The following SIM1 variants were observed in gnomAD, a reference collection of about 807,000 sequenced individuals.
The protein encoded by SIM1 is single-minded homolog 1.
SIM1 carries 18 observed loss-of-function variants against 78.2 expected under a neutral mutation model. The ratio of observed to expected loss-of-function variants is 0.23; its 90% CI spans 0.16 to 0.34. SIM1 has a LOEUF of 0.34. SIM1 is among the 10% of genes least tolerant of loss of function. The probability of loss-of-function intolerance (pLI) is 1.00; values close to 1 mark genes in which losing one functional copy is unlikely to be tolerated. For missense variants in SIM1, 939 were observed against 975.1 expected (o/e 0.96, Z 0.49); for synonymous variants, 417 against 385.2 (o/e 1.08, Z -0.97).
intron 9 of SIM1, among the ~76,000 whole-genome samples, chr6:100,429,811 A>G (rs1771855345): frequency 6.6e-6 from 1 of 152,188 alleles, no homozygotes; most frequent in Admixed American, 6.5e-5. Context: ...TTACATTTCC[A>G]GAATTTCTTC....
chr6:100,402,157 T>C (rs1339163531), intron 10 of SIM1, among the ~76,000 whole-genome samples: 3 of 152,240 alleles, frequency 2.0e-5, no homozygotes, highest in Non-Finnish European at 4.4e-5. Context: ...CCTTGATTAA[T>C]CACTTTCACT....
At chr6:100,418,975 T>C (rs1771487663) in intron 10 of SIM1, among the ~76,000 whole-genome samples, 2 of 152,116 alleles carry the variant, frequency 1.3e-5, no homozygotes, top group African/African-American at 2.4e-5. Flanking sequence ...AAGACCAGCC[T>C]GGCCAGCATG....
chr6:100,439,295 G>A (rs1048740045), intron 9 of SIM1, among the ~76,000 whole-genome samples: 1 of 152,090 alleles, frequency 6.6e-6, no homozygotes, highest in Admixed American at 6.6e-5. Context: ...AATGTATATA[G>A]GTCATTGACC....
intron 10 of SIM1, among the ~76,000 whole-genome samples, chr6:100,410,821 G>A (rs963154526): frequency 2.0e-5 from 3 of 152,172 alleles, no homozygotes; most frequent in Non-Finnish European, 4.4e-5. Context: ...TAAAGAGGCA[G>A]ATGAAGTTCT....
chr6:100,463,748 G>T lies in SIM1; in HGVS notation c.-280C>A, dbSNP rs1361785839. ...CCGAATTTGGGCAATCCTGAGGGTC[G>T]TTCAGGGTATCAAATGCCAGTGGGA... On this transcript the variant is annotated 5_prime_UTR_variant, in exon 2 of 12. Coordinates refer to ENST00000369208, the MANE Select transcript of SIM1 (RefSeq NM_005068.3). 3 of 296,802 alleles carry T rather than the reference G, an allele frequency of 1.0e-5. No homozygotes were observed. In the East Asian group the frequency reaches 1.8e-4, roughly 18 times the overall value. The allele number at this position is 296,802 out of a possible 1,614,324, so 18.4% of individuals were successfully genotyped here. A position where few individuals can be genotyped will look rare whatever the true frequency, so the allele number is the denominator to read the frequency against.
In SIM1 at chr6:100,448,594, G is replaced by A. The variant is rs760422116; in HGVS notation, c.628C>T (p.Leu210=). ...PFDGCYQNVG[L]VAVGHSLPPS... is the part of the protein sequence containing the mutation. ...GGCAGCGAGTGGCCCACGGCCACCAGGCCCACGTTTTGGTAGCAGCCGTCG... is the reference window on the plus strand; with the variant it reads ...GGCAGCGAGTGGCCCACGGCCACCAAGCCCACGTTTTGGTAGCAGCCGTCG... Residue 210 remains leucine (L), a synonymous_variant, in exon 7 of 12, where the codon CTG becomes TTG. Coordinates refer to ENST00000369208, the MANE Select transcript of SIM1 (RefSeq NM_005068.3). 2.0e-5 allele frequency: 32 copies of A among 1,614,020 alleles called. No homozygotes were observed. Among genetic ancestry groups the A allele is most frequent in the Non-Finnish European group, 2.4e-5 (28 of 1,180,040 alleles).
At chr6:100,449,892 T>C (rs1772465629) in intron 4 of SIM1, among the ~76,000 whole-genome samples, 193 bp from the exon 5 acceptor site, 1 of 152,128 alleles carries the variant, frequency 6.6e-6, no homozygotes, top group Non-Finnish European at 1.5e-5. Context: ...CTTGTCTATA[T>C]AATAATAAAA....
chr6:100,449,286 A>C, intron 6 of SIM1, 77 bp downstream of exon 6: 1 of 1,230,066 alleles, frequency 8.1e-7, no homozygotes, highest in East Asian at 2.4e-5. Flanking sequence ...AGAGGTAGGG[A>C]CATTCCTCCC....
At chr6:100,411,850 C>A (rs1256232035) in intron 10 of SIM1, among the ~76,000 whole-genome samples, 1 of 151,928 alleles carries the variant, frequency 6.6e-6, no homozygotes, top group Non-Finnish European at 1.5e-5. Flanking sequence ...GGACCTTAAG[C>A]AGAATTTTGA....
chr6:100,445,808 G>A (rs917839118), intron 9 of SIM1, among the ~76,000 whole-genome samples: 1 of 152,130 alleles, frequency 6.6e-6, no homozygotes, highest in Non-Finnish European at 1.5e-5. Flanking sequence ...TCCATGGTAA[G>A]CGGACATAAT....
chr6:100,412,735 G>GAAAGAAAGA (rs1771279471), intron 10 of SIM1, among the ~76,000 whole-genome samples: 2 of 140,670 alleles, frequency 1.4e-5, no homozygotes, highest in Non-Finnish European at 3.1e-5. Flanking sequence ...AAGAAAGAAA[G>GAAAGAAAGA]AAAGAAAGAA....
intron 9 of SIM1, among the ~76,000 whole-genome samples, chr6:100,444,454 T>C (rs1772302563): frequency 6.6e-6 from 1 of 152,148 alleles, no homozygotes; most frequent in Non-Finnish European, 1.5e-5. Context: ...TGTTTTGTTT[T>C]GTTTTCTTTT....
chr6:100,398,670 C>A (rs1291867627), intron 10 of SIM1, among the ~76,000 whole-genome samples: 2 of 152,056 alleles, frequency 1.3e-5, no homozygotes, highest in East Asian at 3.9e-4. Context: ...TTTATCCATT[C>A]ACCCATTGAT....
chr6:100,449,488 A>G (rs1012819818), intron 5 of SIM1, 40 bp from the exon 6 acceptor site: 1 of 1,595,336 alleles, frequency 6.3e-7, no homozygotes, highest in Admixed American at 1.7e-5. Flanking sequence ...GTCGTGTGAC[A>G]CCGGCGGCGT....
intron 5 of SIM1, 34 bp from the exon 6 acceptor site, chr6:100,449,482 T>C: frequency 6.3e-7 from 1 of 1,599,544 alleles, no homozygotes. Flanking sequence ...GCTCAGGTCG[T>C]GTGACACCGG....
At chr6:100,455,109 T>A (rs868104375) in intron 2 of SIM1, among the ~76,000 whole-genome samples, 38 of 152,142 alleles carry the variant, frequency 2.5e-4, no homozygotes, top group African/African-American at 9.2e-4. Flanking sequence ...TTGGATTTTT[T>A]AAAAGGTGTT....
chr6:100,396,117 C>A, intron 10 of SIM1: 1 of 981,564 alleles, frequency 1.0e-6, no homozygotes, highest in Non-Finnish European at 1.2e-6. Flanking sequence ...TCTCTTTTCA[C>A]AAGATATCGC....
chr6:100,415,651 G>C (rs1165315549), intron 10 of SIM1, among the ~76,000 whole-genome samples: 1 of 152,148 alleles, frequency 6.6e-6, no homozygotes, highest in East Asian at 1.9e-4. Flanking sequence ...GGGACCTAAA[G>C]TTTCATCTAT....
At chr6:100,455,172 G>T (rs976358470) in intron 2 of SIM1, among the ~76,000 whole-genome samples, 2 of 152,210 alleles carry the variant, frequency 1.3e-5, no homozygotes, top group South Asian at 2.1e-4. Flanking sequence ...AGGAGGAACC[G>T]TGAGCGCCCC....
Sources: gnomAD v4.1 joint callset for allele counts (sites outside exome capture counted in the v4.1 genomes callset) on GRCh38, gnomAD v4.1.1 for gene constraint, MANE v1.5 for transcripts, NCBI Gene and HGNC (gene_info 2026-07-23, HGNC 2026-07-21) for gene names.